TP53BP1: variants seen among roughly 807,000 people sequenced by gnomAD.
TP53BP1 encodes the protein TP53-binding protein 1.
A neutral mutation model predicts 200.8 loss-of-function variants in TP53BP1; 61 were observed. That is an observed-to-expected ratio of 0.30 (90% CI 0.25 to 0.38). The LOEUF (loss-of-function observed/expected upper bound fraction) is 0.38. Ranked by LOEUF, TP53BP1 falls within the 10% of genes least tolerant of loss-of-function variation. The probability of loss-of-function intolerance (pLI) is 1.00; values close to 1 mark genes in which losing one functional copy is unlikely to be tolerated. For missense variants in TP53BP1, 2,144 were observed against 2,371.9 expected (o/e 0.90, Z 2.00); for synonymous variants, 822 against 844.3 (o/e 0.97, Z 0.46).
chr15:43,509,497 C>T (rs1818541355), intron 1 of TP53BP1, among the ~76,000 whole-genome samples: 1 of 152,190 alleles, frequency 6.6e-6, no homozygotes, highest in Admixed American at 6.5e-5. Context: ...CAACCTTCGC[C>T]TCCCGGGTTC....
chr15:43,409,261 A>G, intron 25 of TP53BP1, 165 bp from the exon 26 acceptor site: 1 of 644,464 alleles, frequency 1.6e-6, no homozygotes, highest in Non-Finnish European at 2.7e-6. Context: ...TGGAAGGCCC[A>G]AGTAATTTCC....
At chr15:43,408,404 C>G (rs1022523107) in intron 26 of TP53BP1, 21 of 295,258 alleles carry the variant, frequency 7.1e-5, no homozygotes, top group Non-Finnish European at 1.3e-5. Context: ...TCACTTCAGC[C>G]TGGGAGGTTG....
In TP53BP1 at chr15:43,432,470, C is replaced by A; in HGVS notation, c.3399G>T (p.Gln1133His). Reference sequence around the variant, plus strand: ...CCTTATTAGTACTCCGTCCTTCTTTCTGGTCTTCTAGCACATCTGTCACCA... The same window carrying A: ...CCTTATTAGTACTCCGTCCTTCTTTATGGTCTTCTAGCACATCTGTCACCA... ...EAMVTDVLEDQKEGRSTNKEN... is the reference protein window; with the variant it reads ...EAMVTDVLEDHKEGRSTNKEN... The change falls in exon 17 of 28, where the codon CAG becomes CAT. Residue 1133 changes from glutamine (Q) to histidine (H), a missense_variant. By Grantham distance (24) the Gln-to-His change is conservative (BLOSUM62 0). Transcript: ENST00000382044. The A allele has an allele frequency of 6.2e-7, 1 of 1,614,186 alleles. No individual in the cohort carries two copies.
intron 18 of TP53BP1, among the ~76,000 whole-genome samples, chr15:43,427,755 A>T (rs992544833): frequency 3.9e-5 from 6 of 152,140 alleles, no homozygotes; most frequent in African/African-American, 7.2e-5. Context: ...TAGGAGTTCA[A>T]GATCAGCCTG....
rs528064227 is a variant in TP53BP1, at chr15:43,416,535, A to G, written c.4682-119T>C. ...AATTTAGAGATCCAACAGTGGACTG[A>G]AGTTAGGACTTAACAAAATTCCAGT... On this transcript the variant is annotated intron_variant, in intron 21 of 27. Coordinates refer to ENST00000382044, the MANE Select transcript of TP53BP1 (RefSeq NM_001141980.3). 5 of 924,230 alleles carry G rather than the reference A, an allele frequency of 5.4e-6. No homozygotes were observed. In the African/African-American group the frequency reaches 6.6e-5, roughly 12 times the overall value. The allele number at this position is 924,230 out of a possible 1,614,324, so 57.3% of individuals were successfully genotyped here.
chr15:43,479,583 A>G (rs1278504184), intron 6 of TP53BP1, 57 bp from the exon 7 acceptor site: 1 of 1,547,142 alleles, frequency 6.5e-7, no homozygotes, highest in Non-Finnish European at 8.8e-7. Flanking sequence ...AATACTAGAT[A>G]CAGTCCCAGA....
At position 43,404,437 on chromosome 15, in the gene TP53BP1, C is replaced by CTG. The variant is rs2044788740; in HGVS notation, c.*2944_*2945dup. The CTG allele has an allele frequency of 1.9e-6, 3 of 1,614,056 alleles. No individual in the cohort carries two copies. The highest frequency in any genetic ancestry group is 2.5e-6 in the Non-Finnish European group (3 of 1,180,034). On this transcript the variant is annotated 3_prime_UTR_variant, in exon 28 of 28. Coordinates refer to ENST00000382044, the MANE Select transcript of TP53BP1 (RefSeq NM_001141980.3). ...GGGCTTTAGCCGCCAGTCTTCACTCCTGTTCAAGATTCTCTCCAGTGTTCG... is the reference window on the plus strand; with the variant it reads ...GGGCTTTAGCCGCCAGTCTTCACTCCTGTGTTCAAGATTCTCTCCAGTGTTCG...
At chr15:43,504,323 T>C (rs1359232591) in intron 1 of TP53BP1, among the ~76,000 whole-genome samples, 5 of 152,128 alleles carry the variant, frequency 3.3e-5, no homozygotes, top group South Asian at 2.1e-4. Context: ...ATAAATACTA[T>C]TGAATGAATG....
At position 43,492,900 on chromosome 15, in the gene TP53BP1, C is replaced by G. The variant is rs1016315776; in HGVS notation, c.7+137G>C. On this transcript the variant is annotated intron_variant, in intron 1 of 27. Transcript: ENST00000382044. ...TTCTTAGCTAACGTTTCCCCACCCCCTCCTTAGGGCCCTCCAACCCCTTCC... is the reference window on the plus strand; with the variant it reads ...TTCTTAGCTAACGTTTCCCCACCCCGTCCTTAGGGCCCTCCAACCCCTTCC... 5.6e-6 allele frequency: 5 copies of G among 887,870 alleles called. No individual in the cohort carries two copies. In the African/African-American group the frequency reaches 6.9e-5, roughly 12 times the overall value. 55.0% of individuals were successfully genotyped at this position (887,870 alleles called of 1,614,324 possible). A position where few individuals can be genotyped will look rare whatever the true frequency, so the allele number is the denominator to read the frequency against.
intron 4 of TP53BP1, 117 bp from the exon 5 acceptor site, chr15:43,481,139 T>C: frequency 8.9e-7 from 1 of 1,126,172 alleles, no homozygotes; most frequent in Non-Finnish European, 1.3e-6. Context: ...AAAAGTAAAA[T>C]ACCTCACCTT....
rs368228570 is a variant in TP53BP1 at position 43,504,737 on chromosome 15, C to T, written c.-9+5633G>A. Among the ~76,000 whole-genome samples the T allele has an allele frequency of 3.9e-5, 6 of 152,174 alleles. No homozygotes were observed. In the East Asian group the frequency reaches 9.7e-4, roughly 24 times the overall value. ...TAAAAAGGTTGATACAGGATATTTG[C>T]GGCCAGGCACGGTGTCTCACTCCTG... On this transcript the variant is annotated intron_variant, in intron 1 of 27. Transcript: ENST00000263801.
Position 43,427,035 on chromosome 15 carries a change from A to AAGAAAAT in TP53BP1, c.3828+974_3828+980dup, listed in dbSNP as rs1160414428. 9.3e-3 allele frequency among the ~76,000 whole-genome samples: 1,403 copies of AAGAAAAT among 151,320 alleles called. 66 individuals carry two copies. Among genetic ancestry groups the AAGAAAAT allele is most frequent in the Admixed American group, 0.08 (1,188 of 14,920 alleles). ...TCTGCCTCAAAAAAAAAAAAAAAAAAAGAAAATAGCTGTGCCTCTTACCAA... is the reference window on the plus strand; with the variant it reads ...TCTGCCTCAAAAAAAAAAAAAAAAAAAGAAAATAGAAAATAGCTGTGCCTCTTACCAA... On this transcript the variant is annotated intron_variant, in intron 18 of 27. Coordinates refer to ENST00000382044, the MANE Select transcript of TP53BP1 (RefSeq NM_001141980.3).
rs567523995 is a variant in TP53BP1, at chr15:43,408,348, G to C, written c.5601-260C>G. Reference sequence around the variant, plus strand: ...ACAAAAAAATTAGCTGGGTGTGGTGGCGAGTGCCTGTAGTCCCAGCAGCTT... The same window carrying C: ...ACAAAAAAATTAGCTGGGTGTGGTGCCGAGTGCCTGTAGTCCCAGCAGCTT... On this transcript the variant is annotated intron_variant, in intron 26 of 27. Transcript: ENST00000382044. The C allele has an allele frequency of 8.2e-5, 30 of 363,894 alleles. 1 individual carries two copies. Among genetic ancestry groups the C allele is most frequent in the African/African-American group, 5.9e-4 (28 of 47,634 alleles). The allele number at this position is 363,894 out of a possible 1,614,324, so 22.5% of individuals were successfully genotyped here.
At position 43,447,411 on chromosome 15, in the gene TP53BP1, T is replaced by C. The variant is rs1456713223; in HGVS notation, c.2791A>G (p.Ile931Val). Residue 931 changes from isoleucine (I) to valine (V), a missense_variant, in exon 13 of 28, where the codon ATT (isoleucine) becomes GTT (valine). Ile to Val is a conservative substitution (Grantham distance 29). This residue lies in a region of TP53BP1 where 1,700 missense variants were observed against 1,710.3 expected (regional missense o/e 0.99). Transcript: ENST00000382044. ...TTGGGCTCCAATTTTAGGTGCCCAA[T>C]AAGAGGTGGGGTTGCACCAGTCAAT... is the stretch of plus-strand genomic sequence containing the variant. Reference protein sequence around the residue: ...PPLTGATPPLIGHLKLEPKRH... With the variant: ...PPLTGATPPLVGHLKLEPKRH... 1.3e-6 allele frequency: 2 copies of C among 1,595,858 alleles called. No homozygotes were observed. Among genetic ancestry groups the C allele is most frequent in the African/African-American group, 1.4e-5 (1 of 70,902 alleles).
rs185996450 is a variant in TP53BP1 at position 43,483,519 on chromosome 15, C to A, written c.372-2497G>T. Among the ~76,000 whole-genome samples, 142 of 152,246 alleles carry A rather than the reference C, an allele frequency of 9.3e-4. 1 individual carries two copies. Among genetic ancestry groups the A allele is most frequent in the Non-Finnish European group, 5.9e-5 (4 of 68,008 alleles). ...TGGGTGGCAGGATTACAGATGACATCTTTGCTTCCTTGCAACTTTCTACAC... is the reference window on the plus strand; with the variant it reads ...TGGGTGGCAGGATTACAGATGACATATTTGCTTCCTTGCAACTTTCTACAC... On this transcript the variant is annotated intron_variant, in intron 4 of 27. Transcript: ENST00000382044.
intron 7 of TP53BP1, among the ~76,000 whole-genome samples, chr15:43,477,988 A>C (rs189664335): frequency 1.8e-4 from 27 of 152,264 alleles, no homozygotes; most frequent in African/African-American, 6.5e-4. Flanking sequence ...CCTGTCTTCA[A>C]CTCTGCTCAA....
In TP53BP1 at chr15:43,456,171, T is replaced by C. The variant is rs2046290784; in HGVS notation, c.2437A>G (p.Lys813Glu). Residue 813 changes from lysine (K) to glutamate (E), a missense_variant, in exon 12 of 28, where the codon AAG becomes GAG. Physicochemically the swap from Lys to Glu is moderately conservative, Grantham distance 56 (BLOSUM62 1). Transcript: ENST00000382044. ...AGATCTCCTTCATATTCTACACTCTTTTCTTCCTTGGTGTCTAATCTATTC... is the reference window on the plus strand; with the variant it reads ...AGATCTCCTTCATATTCTACACTCTCTTCTTCCTTGGTGTCTAATCTATTC... The part of the protein sequence containing the change: ...AENRLDTKEE[K>E]SVEYEGDLKS... 3 of 1,614,196 alleles carry C rather than the reference T, an allele frequency of 1.9e-6. No individual in the cohort carries two copies. Among genetic ancestry groups the C allele is most frequent in the Non-Finnish European group, 1.7e-6 (2 of 1,180,032 alleles).
At chr15:43,441,657 C>T in intron 14 of TP53BP1, 74 bp from the exon 15 acceptor site, 5 of 946,220 alleles carry the variant, frequency 5.3e-6, no homozygotes, top group Non-Finnish European at 8.7e-6. Flanking sequence ...TAAACCTTCA[C>T]TCTGCTCTAC....
rs1234855373 is a variant in TP53BP1, at chr15:43,479,537, T to C, written c.659-11A>G. 1.2e-6 allele frequency: 2 copies of C among 1,601,640 alleles called. No individual in the cohort carries two copies. The highest frequency in any genetic ancestry group is 2.2e-5 in the East Asian group (1 of 44,736). On this transcript the variant is annotated splice_polypyrimidine_tract_variant and intron_variant, in intron 6 of 27. Coordinates refer to ENST00000382044, the MANE Select transcript of TP53BP1 (RefSeq NM_001141980.3). ...CTTCATGCTTAATTGCTGAGAGTTT[T>C]ATAAAATGACAGGAAGGAGATAATT... is the stretch of plus-strand genomic sequence containing the variant.
Sources: allele counts gnomAD v4.1 joint callset (sites outside exome capture counted in the v4.1 genomes callset), GRCh38; gene constraint gnomAD v4.1.1; regional missense constraint gnomAD v4.1.1; transcripts MANE v1.5; gene names NCBI Gene and HGNC (gene_info 2026-07-23, HGNC 2026-07-21).